The following PHKB variants were observed in gnomAD, a reference collection of about 807,000 sequenced individuals.
PHKB encodes the protein phosphorylase kinase regulatory subunit beta.
PHKB carries 122 observed loss-of-function variants against 152.1 expected under a neutral mutation model. The ratio of observed to expected loss-of-function variants is 0.80; its 90% confidence interval spans 0.69 to 0.93. The LOEUF (loss-of-function observed/expected upper bound fraction) is 0.93, where lower values mean the gene tolerates loss of function less well. PHKB is among the 40% of genes least tolerant of loss of function. PHKB has a pLI of 0.00. For missense variants in PHKB, 1,304 were observed against 1,328.4 expected, an observed-to-expected ratio of 0.98 and a Z score of 0.29; for synonymous variants, 436 against 464.9, an observed-to-expected ratio of 0.94 and a Z score of 0.80.
At chr16:47,698,376 A>G in intron 29 of PHKB, 72 bp from the exon 30 acceptor site, 2 of 1,119,196 alleles carry the variant, frequency 1.8e-6, no homozygotes, top group African/African-American at 1.5e-5. Flanking sequence ...TCACCCATCC[A>G]TCTGATCAAA....
chr16:47,698,558 T>C lies in PHKB; in HGVS notation c.3114T>C (p.Asp1038=). Residue 1038 remains aspartate, a synonymous_variant, in exon 30 of 31, where the codon GAT becomes GAC. Transcript: ENST00000323584. ...AAGCATTTAATGAATTTCAAAAAGA[T>C]CAGAGTCGGCTAAAGGAAATTGAAA... ...VKEAFNEFQK[D]QSRLKEIEKQ... The C allele has an allele frequency of 6.5e-7, 1 of 1,532,558 alleles. No homozygotes were observed. The highest frequency in any genetic ancestry group is 8.9e-7 in the Non-Finnish European group (1 of 1,117,678). The allele number at this position is 1,532,558 out of a possible 1,614,324, so 94.9% of individuals were successfully genotyped here.
chr16:47,544,314 C>A (rs557981467), intron 6 of PHKB, among the ~76,000 whole-genome samples: 1 of 152,158 alleles, frequency 6.6e-6, no homozygotes. Flanking sequence ...TTTCAAAGAA[C>A]ATCTTTATTT....
At chr16:47,633,343 C>T (rs1282882666) in intron 14 of PHKB, among the ~76,000 whole-genome samples, 1 of 152,134 alleles carries the variant, frequency 6.6e-6, no homozygotes, top group African/African-American at 2.4e-5. Flanking sequence ...TCCAAACCGT[C>T]AAATGAATAA....
chr16:47,636,684 C>T (rs1179996200), intron 14 of PHKB, among the ~76,000 whole-genome samples: 3 of 152,220 alleles, frequency 2.0e-5, no homozygotes, highest in Admixed American at 6.5e-5. Context: ...GGGCTTTGAG[C>T]GCCGATGAGC....
At chr16:47,680,206 T>C (rs1352436281) in intron 26 of PHKB, among the ~76,000 whole-genome samples, 1 of 152,230 alleles carries the variant, frequency 6.6e-6, no homozygotes, top group Non-Finnish European at 1.5e-5. Flanking sequence ...TCAATGTTCA[T>C]CAAGGATATT....
intron 1 of PHKB, among the ~76,000 whole-genome samples, chr16:47,486,722 C>A (rs553350662): frequency 1.3e-5 from 2 of 152,110 alleles, no homozygotes; most frequent in Admixed American, 6.5e-5. Context: ...GACTCTTTGA[C>A]CTCTATGATA....
intron 26 of PHKB, among the ~76,000 whole-genome samples, chr16:47,679,898 C>T (rs1490595053): frequency 6.6e-6 from 1 of 152,152 alleles, no homozygotes; most frequent in Non-Finnish European, 1.5e-5. Context: ...ATGATATTGG[C>T]TGTGGGTTTG....
At chr16:47,681,971 G>T (rs968522324) in intron 26 of PHKB, among the ~76,000 whole-genome samples, 6 of 152,162 alleles carry the variant, frequency 3.9e-5, no homozygotes, top group African/African-American at 1.4e-4. Context: ...GCCTGGTGGT[G>T]ACAAAATCTC....
At chr16:47,566,728 TG>T in intron 7 of PHKB, 2 of 764,932 alleles carry the variant, frequency 2.6e-6, no homozygotes, top group Non-Finnish European at 4.8e-6. Flanking sequence ...TCATCATTAC[TG>T]TTCCAAGTTG....
chr16:47,593,198 A>G (rs1438538579), intron 10 of PHKB, among the ~76,000 whole-genome samples: 1 of 135,730 alleles, frequency 7.4e-6, no homozygotes, highest in African/African-American at 2.7e-5. Flanking sequence ...AGGGAGAGAG[A>G]GAGAGAGGGA....
At chr16:47,546,432 A>G (rs562967265) in intron 6 of PHKB, among the ~76,000 whole-genome samples, 3 of 152,286 alleles carry the variant, frequency 2.0e-5, no homozygotes, top group South Asian at 4.1e-4. Context: ...AGAACAGCAA[A>G]TATTGCAGAA....
intron 26 of PHKB, among the ~76,000 whole-genome samples, chr16:47,673,129 ATTT>A (rs55724316): frequency 6.8e-6 from 1 of 147,262 alleles, no homozygotes; most frequent in African/African-American, 2.5e-5. Flanking sequence ...GCAATCTGGT[ATTT>A]TTTTTTTTTT....
chr16:47,541,377 T>G (rs1000410958), intron 6 of PHKB, among the ~76,000 whole-genome samples: 6 of 152,236 alleles, frequency 3.9e-5, no homozygotes, highest in African/African-American at 7.2e-5. Flanking sequence ...GTGCCACATT[T>G]TCTTAATCCA....
chr16:47,475,008 G>A (rs1468743672), intron 1 of PHKB, among the ~76,000 whole-genome samples: 3 of 152,194 alleles, frequency 2.0e-5, no homozygotes, highest in Non-Finnish European at 2.9e-5. Context: ...ACAGGTGTGT[G>A]CCACTGCGCC....
intron 14 of PHKB, among the ~76,000 whole-genome samples, chr16:47,612,931 C>T (rs573795161): frequency 6.6e-5 from 10 of 152,272 alleles, no homozygotes; most frequent in African/African-American, 2.2e-4. Context: ...GTGCAGCCCT[C>T]TGTTTGAAAT....
At chr16:47,664,621 A>T (rs1359685511) in intron 24 of PHKB, among the ~76,000 whole-genome samples, 2 of 152,162 alleles carry the variant, frequency 1.3e-5, no homozygotes, top group African/African-American at 4.8e-5. Flanking sequence ...TCAAATTTTC[A>T]CTGTAAATTT....
chr16:47,662,688 A>G (rs188466306), intron 23 of PHKB, among the ~76,000 whole-genome samples: 122 of 152,312 alleles, frequency 8.0e-4, no homozygotes, highest in African/African-American at 2.7e-3. Flanking sequence ...AGGCAGAGGA[A>G]CTTTTAGCAA....
chr16:47,499,656 C>A, intron 2 of PHKB, 100 bp from the exon 3 acceptor site: 1 of 1,383,090 alleles, frequency 7.2e-7, no homozygotes, highest in Non-Finnish European at 1.0e-6. Flanking sequence ...GAAACAAAAT[C>A]GTCAGAAGTG....
intron 1 of PHKB, among the ~76,000 whole-genome samples, chr16:47,488,302 A>T (rs1171462286): frequency 6.6e-6 from 1 of 152,076 alleles, no homozygotes; most frequent in Non-Finnish European, 1.5e-5. Flanking sequence ...GTTTTTGCTT[A>T]TTAATTTGTT....
Sources: gnomAD v4.1 joint callset for allele counts (sites outside exome capture counted in the v4.1 genomes callset) on GRCh38, gnomAD v4.1.1 for gene constraint, MANE v1.5 for transcripts, NCBI Gene and HGNC (gene_info 2026-07-23, HGNC 2026-07-21) for gene names.